ANKRD28: variants seen among roughly 807,000 people sequenced by gnomAD.
ANKRD28 encodes serine/threonine-protein phosphatase 6 regulatory ankyrin repeat subunit A.
Under a neutral mutation model 126.5 loss-of-function variants are expected in ANKRD28, and 44 were observed. That is an observed-to-expected ratio of 0.35 (90% CI 0.27 to 0.45). The LOEUF (loss-of-function observed/expected upper bound fraction) is 0.45. ANKRD28 is among the 20% of genes least tolerant of loss of function. The probability of loss-of-function intolerance (pLI) is 1.00; values close to 1 mark genes in which losing one functional copy is unlikely to be tolerated. For missense variants in ANKRD28, 1,110 were observed against 1,316.6 expected (o/e 0.84, Z 2.43); for synonymous variants, 442 against 468.5 (o/e 0.94, Z 0.73).
Position 15,797,216 on chromosome 3 carries a change from A to T in ANKRD28, c.-695T>A, listed in dbSNP as rs1449121760. ...AGGGGCAAAAAACAAAAACAAAAAA[A>T]AAAAAACCACTCTGCATTAATAGCA... On this transcript the variant is annotated 5_prime_UTR_variant, in exon 1 of 28. Coordinates refer to ENST00000683139, the MANE Select transcript of ANKRD28 (RefSeq NM_001349278.2). 1.0e-6 allele frequency: 1 copy of T among 985,052 alleles called. No homozygotes were observed. Among genetic ancestry groups the T allele is most frequent in the Non-Finnish European group, 1.2e-6 (1 of 829,858 alleles). The allele number at this position is 985,052 out of a possible 1,614,324, so 61.0% of individuals were successfully genotyped here. A position where few individuals can be genotyped will look rare whatever the true frequency, so the allele number is the denominator to read the frequency against.
At chr3:15,745,520 A>G (rs2125292867) in intron 4 of ANKRD28, among the ~76,000 whole-genome samples, 1 of 152,238 alleles carries the variant, frequency 6.6e-6, no homozygotes, top group South Asian at 2.1e-4. Context: ...AGTTGGCTGT[A>G]AGTATTTGGC....
chr3:15,859,537 T>C, exon 1 of ANKRD28: 2 of 546,128 alleles, frequency 3.7e-6, no homozygotes, highest in East Asian at 4.9e-5. Context: ...CCGACTGCGC[T>C]GAGAAGACCT....
At chr3:15,718,804 T>C (rs972011422) in intron 8 of ANKRD28, among the ~76,000 whole-genome samples, 1 of 152,212 alleles carries the variant, frequency 6.6e-6, no homozygotes, top group Non-Finnish European at 1.5e-5. Flanking sequence ...CTGAGAAAAC[T>C]TGGTTGTGAC....
chr3:15,694,592 T>A, intron 17 of ANKRD28, 147 bp downstream of exon 17: 1 of 503,662 alleles, frequency 2.0e-6, no homozygotes, highest in Non-Finnish European at 3.3e-6. Flanking sequence ...ATTCTCTGAA[T>A]TAAAGAAAGT....
chr3:15,766,339 T>G (rs1177339419), intron 2 of ANKRD28, 27 bp from the exon 3 acceptor site: 15 of 1,552,898 alleles, frequency 9.7e-6, no homozygotes, highest in Non-Finnish European at 1.3e-5. Context: ...AGGTGGGAAA[T>G]AAGTTTTAAA....
intron 6 of ANKRD28, among the ~76,000 whole-genome samples, chr3:15,725,936 G>A (rs1341761554): frequency 1.1e-4 from 17 of 152,072 alleles, no homozygotes; most frequent in Admixed American, 9.8e-4. Context: ...CCAGCTACTC[G>A]GGAGGCTGAG....
rs188465319 is a variant in ANKRD28, at chr3:15,808,373, T to G, written c.28-13067A>C. ...CCTCACAGCAATGCTTTAAGGTAAG[T>G]TGGAGAAAGGCCTTATCCCCTGGCT... On this transcript the variant is annotated intron_variant, in intron 1 of 27. Coordinates refer to the ANKRD28 transcript ENST00000399451. 8.2e-4 allele frequency among the ~76,000 whole-genome samples: 125 copies of G among 152,302 alleles called. 1 individual carries two copies. The East Asian group carries it at 0.023, about 28-fold the overall frequency.
chr3:15,734,769 G>A (rs1380822412), intron 6 of ANKRD28, among the ~76,000 whole-genome samples: 1 of 152,140 alleles, frequency 6.6e-6, no homozygotes, highest in Non-Finnish European at 1.5e-5. Flanking sequence ...TCCTGTAATA[G>A]GCTGATTTGT....
rs143196157 is a variant in ANKRD28 at position 15,858,058 on chromosome 3, A to G, written c.27+1319T>C. Among the ~76,000 whole-genome samples the G allele has an allele frequency of 2.9e-3, 440 of 152,368 alleles. 1 individual carries two copies. Among genetic ancestry groups the G allele is most frequent in the African/African-American group, 9.9e-3 (413 of 41,574 alleles). On this transcript the variant is annotated intron_variant, in intron 1 of 27. Transcript: ENST00000399451. ...CTGCTATTCTCTAACACTGCTGTCC[A>G]GTAGAACTATCTGAAATGAGATAAA...
intron 4 of ANKRD28, among the ~76,000 whole-genome samples, chr3:15,738,294 T>C (rs912291039): frequency 2.6e-4 from 39 of 152,210 alleles, no homozygotes; most frequent in Non-Finnish European, 4.3e-4. Flanking sequence ...AGACATCACA[T>C]GCCCAAGCCG....
chr3:15,790,589 T>A (rs971088122), intron 2 of ANKRD28, among the ~76,000 whole-genome samples: 2 of 151,986 alleles, frequency 1.3e-5, no homozygotes, highest in Non-Finnish European at 2.9e-5. Context: ...AAAAATTCAA[T>A]ATCCCTTCAT....
intron 1 of ANKRD28, among the ~76,000 whole-genome samples, chr3:15,826,454 ATAT>A (rs1440794548): frequency 6.6e-6 from 1 of 152,210 alleles, no homozygotes; most frequent in Non-Finnish European, 1.5e-5. Flanking sequence ...CATAACAGTA[ATAT>A]TATACTGTTT....
intron 2 of ANKRD28, among the ~76,000 whole-genome samples, chr3:15,779,712 T>C (rs2059454844): frequency 6.6e-6 from 1 of 152,216 alleles, no homozygotes; most frequent in African/African-American, 2.4e-5. Flanking sequence ...GCATGGTTCT[T>C]GCCCCAGGAC....
intron 4 of ANKRD28, among the ~76,000 whole-genome samples, chr3:15,743,356 A>G (rs568222255): frequency 1.2e-3 from 159 of 132,036 alleles, no homozygotes; most frequent in African/African-American, 4.0e-3. Flanking sequence ...GATCAATAAA[A>G]AACAAACAAA....
chr3:15,721,754 C>CT (rs929827860), intron 7 of ANKRD28, among the ~76,000 whole-genome samples: 8 of 151,824 alleles, frequency 5.3e-5, no homozygotes, highest in African/African-American at 2.4e-5. Context: ...TTTTGCTTTT[C>CT]TTTTTTTTGA....
In ANKRD28 at chr3:15,695,194, TAG is replaced by T; in HGVS notation, c.1678_1679del (p.Leu560ArgfsTer14). ...GGAATTGACTAATACTTACAACATC[TAG>T]AGGAGTTTCACTTGCAATCTGAAAT... ...CLQLIASETP[L>X]DVLMETSGTD... On this transcript the variant is annotated frameshift_variant, in exon 16 of 28. Transcript: ENST00000683139. LOFTEE classifies it high-confidence loss of function. 1 of 1,594,766 alleles carries T rather than the reference TAG, an allele frequency of 6.3e-7. No homozygotes were observed. The highest frequency in any genetic ancestry group is 8.6e-7 in the Non-Finnish European group (1 of 1,168,102).
rs9878900 is a variant in ANKRD28, at chr3:15,771,324, C to T, written c.202-5012G>A. Among the ~76,000 whole-genome samples the T allele has an allele frequency of 4.0e-5, 6 of 150,806 alleles. 1 individual carries two copies. The East Asian group carries it at 9.8e-4, about 25-fold the overall frequency. ...ACTTGGGAGGCTGAGGCAGCAGAAT[C>T]GCTTGAACCTGGGAGGTGGAGGTTG... On this transcript the variant is annotated intron_variant, in intron 2 of 27. Transcript: ENST00000683139.
chr3:15,778,002 C>T (rs2059377579), intron 2 of ANKRD28, among the ~76,000 whole-genome samples: 4 of 152,018 alleles, frequency 2.6e-5, no homozygotes, highest in Admixed American at 2.0e-4. Context: ...TCTTTATATT[C>T]ATTCGCTTCT....
intron 1 of ANKRD28, among the ~76,000 whole-genome samples, chr3:15,842,060 A>G (rs979304934): frequency 7.0e-6 from 1 of 142,828 alleles, no homozygotes; most frequent in Non-Finnish European, 1.5e-5. Context: ...TAATTTATAT[A>G]TAATTTTATT....
Sources: gnomAD v4.1 joint callset for allele counts (sites outside exome capture counted in the v4.1 genomes callset) on GRCh38, gnomAD v4.1.1 for gene constraint, MANE v1.5 for transcripts, NCBI Gene and HGNC (gene_info 2026-07-23, HGNC 2026-07-21) for gene names.